The following PPHLN1 variants were observed in gnomAD, a reference collection of about 807,000 sequenced individuals.
PPHLN1 encodes the protein periphilin 1, also known as periphilin-1.
In PPHLN1, 29 loss-of-function variants were observed where a neutral mutation model predicts 51.3. That is an observed-to-expected ratio of 0.57 (90% CI 0.42 to 0.77). The LOEUF (loss-of-function observed/expected upper bound fraction) is 0.77, where lower values mean the gene tolerates loss of function less well. Ranked by LOEUF, PPHLN1 falls within the 30% of genes least tolerant of loss-of-function variation. The pLI, the probability that PPHLN1 is intolerant of heterozygous loss-of-function variation, is 0.00. For missense variants in PPHLN1, 436 were observed against 438.4 expected (o/e 0.99, Z 0.05); for synonymous variants, 147 against 147.8 (o/e 0.99, Z 0.04).
chr12:42,340,987 T>C (rs192537299), intron 2 of PPHLN1, among the ~76,000 whole-genome samples: 302 of 148,806 alleles, frequency 2.0e-3, no homozygotes, highest in African/African-American at 6.9e-3. Context: ...TTCTTTCTTT[T>C]TTTTTTTTTT....
chr12:42,385,773 G>A (rs1177618493), intron 6 of PPHLN1, among the ~76,000 whole-genome samples: 2 of 152,266 alleles, frequency 1.3e-5, no homozygotes, highest in African/African-American at 4.8e-5. Context: ...ATTTTCGAGT[G>A]CCTACCCTTT....
intron 9 of PPHLN1, chr12:42,432,396 C>T: frequency 1.3e-6 from 1 of 753,732 alleles, no homozygotes; most frequent in Non-Finnish European, 2.5e-6. Context: ...AGAACTTGCA[C>T]ATTTCCAATG....
At chr12:42,431,296 G>T (rs1365035008) in intron 9 of PPHLN1, among the ~76,000 whole-genome samples, 2 of 152,078 alleles carry the variant, frequency 1.3e-5, no homozygotes, top group African/African-American at 4.8e-5. Context: ...TGAAGAAGTG[G>T]TTGCATATTA....
chr12:42,328,268 A>G (rs2069116094), intron 1 of PPHLN1, among the ~76,000 whole-genome samples: 2 of 152,246 alleles, frequency 1.3e-5, no homozygotes, highest in South Asian at 4.1e-4. Context: ...GGAAACAGGC[A>G]TAATTATATG....
intron 4 of PPHLN1, among the ~76,000 whole-genome samples, chr12:42,370,020 C>A (rs925176917): frequency 6.6e-6 from 1 of 152,196 alleles, no homozygotes; most frequent in East Asian, 1.9e-4. Flanking sequence ...CATGGCCAGG[C>A]CTTACTTTCA....
intron 2 of PPHLN1, among the ~76,000 whole-genome samples, chr12:42,341,438 A>G (rs1438964150): frequency 6.6e-6 from 1 of 152,162 alleles, no homozygotes; most frequent in Admixed American, 6.5e-5. Context: ...CCTCGTTAAT[A>G]AAAGCAGCTG....
intron 7 of PPHLN1, among the ~76,000 whole-genome samples, chr12:42,388,900 C>A (rs2077427804): frequency 6.6e-6 from 1 of 152,194 alleles, no homozygotes; most frequent in South Asian, 2.1e-4. Context: ...TATGATTGCA[C>A]CACTGCACTC....
chr12:42,416,419 A>G (rs2080390924), intron 9 of PPHLN1, among the ~76,000 whole-genome samples: 1 of 152,214 alleles, frequency 6.6e-6, no homozygotes, highest in Admixed American at 6.5e-5. Context: ...ACCTGGAATC[A>G]GTGCATACAC....
chr12:42,446,611 A>G (rs2083338845), downstream of PPHLN1: 5 of 1,613,524 alleles, frequency 3.1e-6, no homozygotes, highest in Middle Eastern at 3.4e-4. Context: ...CCAGAAAACA[A>G]GCAGTAACTG....
chr12:42,370,399 T>G (rs374917468), intron 4 of PPHLN1, among the ~76,000 whole-genome samples: 3 of 152,244 alleles, frequency 2.0e-5, no homozygotes, highest in East Asian at 3.8e-4. Context: ...CATTCTTTCT[T>G]TACTTTTTTG....
chr12:42,368,153 A>G (rs911947406), intron 4 of PPHLN1, among the ~76,000 whole-genome samples: 1 of 152,150 alleles, frequency 6.6e-6, no homozygotes, highest in Non-Finnish European at 1.5e-5. Flanking sequence ...GCCTTTCTGT[A>G]TATAGTTTAT....
At chr12:42,352,131 G>A (rs780781404) in intron 3 of PPHLN1, 82 bp downstream of exon 3, 31 of 1,236,772 alleles carry the variant, frequency 2.5e-5, no homozygotes, top group African/African-American at 6.4e-5. Context: ...TGTGACGGCC[G>A]TGAAAGCAGT....
intron 9 of PPHLN1, among the ~76,000 whole-genome samples, chr12:42,426,226 ACACC>A (rs1566010585): frequency 9.7e-5 from 12 of 123,196 alleles, no homozygotes; most frequent in African/African-American, 3.9e-4. Context: ...ACACACACAC[ACACC>A]CTCATGCATT....
At chr12:42,342,385 G>A (rs1348578871) in intron 2 of PPHLN1, among the ~76,000 whole-genome samples, 2 of 152,174 alleles carry the variant, frequency 1.3e-5, no homozygotes, top group Non-Finnish European at 2.9e-5. Context: ...CTCCCAGATC[G>A]TTGGGATTAC....
At chr12:42,404,580 A>G (rs939388252) in intron 9 of PPHLN1, among the ~76,000 whole-genome samples, 2 of 147,086 alleles carry the variant, frequency 1.4e-5, no homozygotes, top group Non-Finnish European at 2.9e-5. Flanking sequence ...TTTGTGATAT[A>G]GGTTTACCTC....
At chr12:42,413,524 A>G (rs376213931) in intron 9 of PPHLN1, among the ~76,000 whole-genome samples, 24 of 119,104 alleles carry the variant, frequency 2.0e-4, no homozygotes, top group South Asian at 8.5e-4. Flanking sequence ...ATATATATGT[A>G]TATGTGTGTG....
At chr12:42,410,394 T>C (rs2079703318) in intron 9 of PPHLN1, among the ~76,000 whole-genome samples, 1 of 152,212 alleles carries the variant, frequency 6.6e-6, no homozygotes, top group South Asian at 2.1e-4. Flanking sequence ...TAGTCAACTG[T>C]GTACAACCAG....
chr12:42,367,030 C>G (rs1337479443), intron 4 of PPHLN1, among the ~76,000 whole-genome samples: 2 of 152,158 alleles, frequency 1.3e-5, no homozygotes, highest in African/African-American at 2.4e-5. Context: ...CTCAGTTTCA[C>G]AAAATGTTGC....
At chr12:42,440,053 GCTAT>G (rs1473216797) in intron 9 of PPHLN1, among the ~76,000 whole-genome samples, 1 of 150,318 alleles carries the variant, frequency 6.7e-6, no homozygotes, top group Admixed American at 6.6e-5. Context: ...CAATTCTTGG[GCTAT>G]CTCTCTATAT....
Sources: gnomAD v4.1 joint callset for allele counts (sites outside exome capture counted in the v4.1 genomes callset) on GRCh38, gnomAD v4.1.1 for gene constraint, MANE v1.5 for transcripts, NCBI Gene and HGNC (gene_info 2026-07-23, HGNC 2026-07-21) for gene names.